The following CNIH4 variants were observed in gnomAD, a reference collection of about 807,000 sequenced individuals.
CNIH4 encodes the protein protein cornichon homolog 4.
Under a neutral mutation model 21.5 loss-of-function variants are expected in CNIH4, and 9 were observed. The ratio of observed to expected loss-of-function variants is 0.42; its 90% CI spans 0.25 to 0.73. The LOEUF is 0.73. Among genes scored for constraint, CNIH4 ranks in the 30% least tolerant of loss-of-function variants. CNIH4 has a pLI of 0.27. For synonymous variants in CNIH4, 67 were observed against 59.1 expected (o/e 1.13, Z -0.61); for missense variants, 159 against 170.0 (o/e 0.94, Z 0.36).
chr1:224,358,550 C>G (rs1672182482), intron 1 of CNIH4, among the ~76,000 whole-genome samples: 1 of 151,972 alleles, frequency 6.6e-6, no homozygotes, highest in Non-Finnish European at 1.5e-5. Flanking sequence ...AATTTGTAAA[C>G]TTTCTTAAAA....
intron 3 of CNIH4, 31 bp downstream of exon 3, chr1:224,366,022 G>A: frequency 7.3e-7 from 1 of 1,376,776 alleles, no homozygotes; most frequent in South Asian, 1.2e-5. Context: ...TTGGTGTCAA[G>A]GTAGTTAAAA....
intron 1 of CNIH4, among the ~76,000 whole-genome samples, chr1:224,358,768 A>C (rs60020912): frequency 5.3e-5 from 8 of 152,220 alleles, no homozygotes; most frequent in Non-Finnish European, 5.9e-5. Flanking sequence ...GATAATTTTA[A>C]ATAGCCCTGG....
Position 224,379,035 on chromosome 1 carries a change from A to T in CNIH4, c.*3213A>T. The T allele has an allele frequency of 6.5e-7, 1 of 1,549,996 alleles. No homozygotes were observed. The highest frequency in any genetic ancestry group is 8.7e-7 in the Non-Finnish European group (1 of 1,146,490). On this transcript the variant is annotated 3_prime_UTR_variant, in exon 5 of 5. Transcript: ENST00000465271. ...TCCTATGTGCATCTTAGTACGTATC[A>T]TTTTCCCTTGCCTTTTTCCTTCTAT...
intron 2 of CNIH4, among the ~76,000 whole-genome samples, chr1:224,363,171 A>G (rs978361407): frequency 1.3e-4 from 19 of 151,988 alleles, no homozygotes; most frequent in Non-Finnish European, 2.9e-5. Context: ...CAGCCTCCTG[A>G]GTAGCTGGGA....
chr1:224,376,863 TAAAC>T lies in CNIH4; in HGVS notation c.*1042_*1045del. On this transcript the variant is annotated 3_prime_UTR_variant, in exon 5 of 5. Coordinates refer to ENST00000465271, the MANE Select transcript of CNIH4 (RefSeq NM_014184.4). Reference sequence around the variant, plus strand: ...GTTTGCCAGCTCTTACAGGGTAAAATAAACCTGGCAATTTATCCTCAGTCCTAGT... The same window carrying T: ...GTTTGCCAGCTCTTACAGGGTAAAATCTGGCAATTTATCCTCAGTCCTAGT... 2 of 985,428 alleles carry T rather than the reference TAAAC, an allele frequency of 2.0e-6. No individual in the cohort carries two copies. The highest frequency in any genetic ancestry group is 2.4e-6 in the Non-Finnish European group (2 of 829,940). The allele number at this position is 985,428 out of a possible 1,614,324, so 61.0% of individuals were successfully genotyped here.
chr1:224,374,019 C>T (rs1189485466), intron 4 of CNIH4, among the ~76,000 whole-genome samples: 1 of 152,182 alleles, frequency 6.6e-6, no homozygotes, highest in African/African-American at 2.4e-5. Flanking sequence ...CTTTCCCTTC[C>T]CTATCAGCCT....
chr1:224,356,852 A>C, upstream of CNIH4: 1 of 1,298,228 alleles, frequency 7.7e-7, no homozygotes, highest in Non-Finnish European at 1.1e-6. Context: ...CAGCCCCGGC[A>C]AGGGCCTATC....
intron 1 of CNIH4, among the ~76,000 whole-genome samples, chr1:224,358,565 A>G (rs1436314938): frequency 6.6e-6 from 1 of 151,876 alleles, no homozygotes; most frequent in Non-Finnish European, 1.5e-5. Context: ...TTAAAACATT[A>G]TGATTCTTTT....
intron 1 of CNIH4, among the ~76,000 whole-genome samples, chr1:224,358,141 C>T (rs1672171311): frequency 6.6e-6 from 1 of 152,170 alleles, no homozygotes; most frequent in Non-Finnish European, 1.5e-5. Context: ...AATCAGATTT[C>T]CTGGTCAGCT....
At chr1:224,369,972 C>A (rs1341270645) in intron 3 of CNIH4, among the ~76,000 whole-genome samples, 2 of 151,968 alleles carry the variant, frequency 1.3e-5, no homozygotes, top group African/African-American at 4.8e-5. Context: ...CTGTGCCCAG[C>A]CTTACCCTGA....
Position 224,376,129 on chromosome 1 carries a change from G to T in CNIH4, c.*307G>T, listed in dbSNP as rs1006517708. The T allele has an allele frequency of 1.3e-4, 137 of 1,090,690 alleles. No homozygotes were observed. Among genetic ancestry groups the T allele is most frequent in the Non-Finnish European group, 1.5e-4 (136 of 897,706 alleles). 67.6% of individuals were successfully genotyped at this position (1,090,690 alleles called of 1,614,324 possible). On this transcript the variant is annotated 3_prime_UTR_variant, in exon 5 of 5. Coordinates refer to ENST00000465271, the MANE Select transcript of CNIH4 (RefSeq NM_014184.4). Reference sequence around the variant, plus strand: ...TGCCATCCCAGCTTTGCATGCCAAAGAAATAAAGAACACACTTTAAAGGGC... The same window carrying T: ...TGCCATCCCAGCTTTGCATGCCAAATAAATAAAGAACACACTTTAAAGGGC...
At chr1:224,357,953 A>G (rs1370378978) in intron 1 of CNIH4, among the ~76,000 whole-genome samples, 1 of 151,778 alleles carries the variant, frequency 6.6e-6, no homozygotes, top group Non-Finnish European at 1.5e-5. Context: ...CGTATGAGGA[A>G]CTCCGCATTT....
At chr1:224,362,154 C>T (rs1264506799) in intron 2 of CNIH4, among the ~76,000 whole-genome samples, 12 of 150,952 alleles carry the variant, frequency 7.9e-5, no homozygotes, top group Admixed American at 6.6e-4. Context: ...GATCTTGGCT[C>T]ACTGCAAGCT....
At position 224,360,449 on chromosome 1, in the gene CNIH4, T is replaced by C. The variant is rs187347392; in HGVS notation, c.70-46T>C. The C allele has an allele frequency of 2.0e-5, 19 of 959,488 alleles. No individual in the cohort carries two copies. In the East Asian group the frequency reaches 5.6e-4, roughly 29 times the overall value. The allele number at this position is 959,488 out of a possible 1,614,324, so 59.4% of individuals were successfully genotyped here. A position where few individuals can be genotyped will look rare whatever the true frequency, so the allele number is the denominator to read the frequency against. On this transcript the variant is annotated intron_variant, in intron 1 of 4. Coordinates refer to ENST00000465271, the MANE Select transcript of CNIH4 (RefSeq NM_014184.4). ...GATTGCTTTCTGAAACTTAAATACT[T>C]AGTTATTATAAAAGAAATATAATAA...
In CNIH4 at chr1:224,356,913, C is replaced by T. The variant is rs1558392558; in HGVS notation, c.-12C>T. The stretch of plus-strand genomic sequence containing the variant: ...GGTTTGACGGAAGGAGCGGCGGCGA[C>T]GGAGGAGGAGGATGGAGGCGGTGGT... On this transcript the variant is annotated 5_prime_UTR_variant, in exon 1 of 5. It adds an upstream start codon to the 5' untranslated region. Transcript: ENST00000465271. The T allele has an allele frequency of 2.5e-6, 4 of 1,603,522 alleles. No homozygotes were observed. Among genetic ancestry groups the T allele is most frequent in the Non-Finnish European group, 3.4e-6 (4 of 1,174,544 alleles).
In CNIH4 at chr1:224,378,876, G is replaced by A. The variant is rs980675533; in HGVS notation, c.*3054G>A. On this transcript the variant is annotated 3_prime_UTR_variant, in exon 5 of 5. Coordinates refer to ENST00000465271, the MANE Select transcript of CNIH4 (RefSeq NM_014184.4). ...ATCTGAATGCTGAGGCCTAGAGATC[G>A]TTCAGGGTGTTGTAACTGGGAACAT... 2.2e-5 allele frequency: 12 copies of A among 537,882 alleles called. No individual in the cohort carries two copies. The highest frequency in any genetic ancestry group is 1.9e-4 in the Admixed American group (6 of 31,606). The allele number at this position is 537,882 out of a possible 1,614,324, so 33.3% of individuals were successfully genotyped here.
intron 1 of CNIH4, 120 bp downstream of exon 1, chr1:224,357,113 T>G (rs542472892): frequency 3.4e-6 from 4 of 1,173,708 alleles, no homozygotes; most frequent in Admixed American, 2.0e-5. Flanking sequence ...GTGGGCTCCC[T>G]GGGAGCTGGC....
chr1:224,378,286 A>C lies in CNIH4; in HGVS notation c.*2464A>C, dbSNP rs986863309. 7.2e-5 allele frequency: 11 copies of C among 152,350 alleles called. No homozygotes were observed. The highest frequency in any genetic ancestry group is 3.4e-3 in the Middle Eastern group (1 of 294). The allele number at this position is 152,350 out of a possible 1,614,324, so 9.4% of individuals were successfully genotyped here. A position where few individuals can be genotyped will look rare whatever the true frequency, so the allele number is the denominator to read the frequency against. On this transcript the variant is annotated 3_prime_UTR_variant, in exon 5 of 5. Transcript: ENST00000465271. ...GTATCAAAATTACTGGCCTCAAGCG[A>C]TTCTCCTGCCTCGGCCTCCCAGATG...
chr1:224,376,495 C>G lies in CNIH4; in HGVS notation c.*673C>G. The G allele has an allele frequency of 1.0e-6, 1 of 985,410 alleles. No homozygotes were observed. The highest frequency in any genetic ancestry group is 1.2e-6 in the Non-Finnish European group (1 of 829,934). 61.0% of individuals were successfully genotyped at this position (985,410 alleles called of 1,614,324 possible). A position where few individuals can be genotyped will look rare whatever the true frequency, so the allele number is the denominator to read the frequency against. On this transcript the variant is annotated 3_prime_UTR_variant, in exon 5 of 5. Transcript: ENST00000465271. ...AAAGCTACTACCTCCACAATCACCCCCAAACCCAGAAAATCCCCACTGGCT... is the reference window on the plus strand; with the variant it reads ...AAAGCTACTACCTCCACAATCACCCGCAAACCCAGAAAATCCCCACTGGCT...
Sources: allele counts gnomAD v4.1 joint callset (sites outside exome capture counted in the v4.1 genomes callset), GRCh38; gene constraint gnomAD v4.1.1; transcripts MANE v1.5; gene names NCBI Gene and HGNC (gene_info 2026-07-23, HGNC 2026-07-21).